ASH1L: variants seen among roughly 807,000 people sequenced by gnomAD.
ASH1L encodes the protein histone-lysine N-methyltransferase ASH1L.
A neutral mutation model predicts 269.0 loss-of-function variants in ASH1L; 23 were observed. The ratio of observed to expected loss-of-function variants is 0.09; its 90% confidence interval spans 0.06 to 0.12. The LOEUF (loss-of-function observed/expected upper bound fraction) is 0.12, where lower values mean the gene tolerates loss of function less well. Ranked by LOEUF, ASH1L falls within the 10% of genes least tolerant of loss-of-function variation. The probability of loss-of-function intolerance (pLI) is 1.00; values close to 1 mark genes in which losing one functional copy is unlikely to be tolerated. For missense variants in ASH1L, 2,912 were observed against 3,567.8 expected, an observed-to-expected ratio of 0.82 and a Z score of 4.68; for synonymous variants, 1,187 against 1,253.5, an observed-to-expected ratio of 0.95 and a Z score of 1.12.
At chr1:155,547,253 A>G (rs773391095) in intron 1 of ASH1L, among the ~76,000 whole-genome samples, 5 of 151,562 alleles carry the variant, frequency 3.3e-5, no homozygotes, top group Non-Finnish European at 5.9e-5. Flanking sequence ...AATGAGGGCC[A>G]TGACTACTCA....
rs756422793 is a variant in ASH1L, at chr1:155,438,841, T to C, written c.5314A>G (p.Ser1772Gly). 8.2e-5 allele frequency: 132 copies of C among 1,614,100 alleles called. No homozygotes were observed. The highest frequency in any genetic ancestry group is 1.0e-4 in the Non-Finnish European group (123 of 1,180,050). Reference sequence around the variant, plus strand: ...GAGATGCTATTATTGCAAGAGTCACTTGTGACTGCAGGCACTAAAAGGCTG... The same window carrying C: ...GAGATGCTATTATTGCAAGAGTCACCTGTGACTGCAGGCACTAAAAGGCTG... ...PDSLLVPAVT[S>G]DSCNNSISLL... The change falls in exon 5 of 28, where the codon AGT (serine) becomes GGT (glycine). Residue 1772 changes from serine to glycine, a missense_variant. Coordinates refer to ENST00000392403, the MANE Select transcript of ASH1L (RefSeq NM_018489.3).
intron 5 of ASH1L, among the ~76,000 whole-genome samples, chr1:155,429,885 G>A (rs949266603): frequency 6.6e-6 from 1 of 151,982 alleles, no homozygotes; most frequent in Admixed American, 6.6e-5. Flanking sequence ...CTGTAGCCTC[G>A]ACCTCCTGGA....
intron 3 of ASH1L, among the ~76,000 whole-genome samples, chr1:155,462,195 T>C (rs1054463751): frequency 6.6e-6 from 1 of 152,192 alleles, no homozygotes; most frequent in Non-Finnish European, 1.5e-5. Flanking sequence ...CTAGATATTG[T>C]GAAGGTAGGG....
chr1:155,386,179 C>T (rs1361926170), intron 7 of ASH1L, among the ~76,000 whole-genome samples: 32 of 151,632 alleles, frequency 2.1e-4, no homozygotes, highest in Non-Finnish European at 4.0e-4. Context: ...GCGATTCTCC[C>T]GCCTCAGCCT....
intron 2 of ASH1L, among the ~76,000 whole-genome samples, chr1:155,505,176 C>A (rs1381193419): frequency 6.6e-6 from 1 of 152,148 alleles, no homozygotes; most frequent in Non-Finnish European, 1.5e-5. Context: ...TCTTGTTTTA[C>A]AGCACAACTG....
chr1:155,505,089 T>G (rs1441709424), intron 2 of ASH1L, among the ~76,000 whole-genome samples: 1 of 152,148 alleles, frequency 6.6e-6, no homozygotes, highest in Admixed American at 6.6e-5. Context: ...ATGCAATTCT[T>G]TTTGTTTTTT....
chr1:155,466,108 A>C (rs1446294761), intron 3 of ASH1L, among the ~76,000 whole-genome samples: 1 of 152,196 alleles, frequency 6.6e-6, no homozygotes, highest in Non-Finnish European at 1.5e-5. Flanking sequence ...TAATCCCAGC[A>C]CTTTGGAAGG....
chr1:155,406,352 T>C (rs1659293625), intron 6 of ASH1L, among the ~76,000 whole-genome samples: 1 of 151,842 alleles, frequency 6.6e-6, no homozygotes, highest in Non-Finnish European at 1.5e-5. Flanking sequence ...GCCAAAACAA[T>C]CTTGAAAAAG....
chr1:155,363,563 T>C (rs902064809), intron 12 of ASH1L, among the ~76,000 whole-genome samples: 1 of 152,120 alleles, frequency 6.6e-6, no homozygotes, highest in African/African-American at 2.4e-5. Flanking sequence ...ATTTTAAATG[T>C]ATACCAGGAG....
rs1652391694 is a variant in ASH1L, at chr1:155,337,212, G to T, written c.*448C>A. On this transcript the variant is annotated 3_prime_UTR_variant, in exon 28 of 28. Coordinates refer to ENST00000392403, the MANE Select transcript of ASH1L (RefSeq NM_018489.3). ...TAAGGTCTCTGGGGTAGCTCTTGGA[G>T]CCAACAGAGAATAGATGGGGTAGGA... 1 of 153,362 alleles carries T rather than the reference G, an allele frequency of 6.5e-6. No homozygotes were observed. The highest frequency in any genetic ancestry group is 6.5e-5 in the Admixed American group (1 of 15,384). The allele number at this position is 153,362 out of a possible 1,614,324, so 9.5% of individuals were successfully genotyped here. A position where few individuals can be genotyped will look rare whatever the true frequency, so the allele number is the denominator to read the frequency against.
intron 15 of ASH1L, among the ~76,000 whole-genome samples, chr1:155,356,615 C>G (rs1001958834): frequency 4.0e-5 from 6 of 150,736 alleles, no homozygotes; most frequent in Non-Finnish European, 8.9e-5. Context: ...TGCACTCCAG[C>G]CTGGGCGACA....
intron 4 of ASH1L, among the ~76,000 whole-genome samples, chr1:155,448,610 TCAGACTC>T (rs1663212471): frequency 6.6e-6 from 1 of 152,090 alleles, no homozygotes; most frequent in African/African-American, 2.4e-5. Context: ...TTCTCCTGCC[TCAGACTC>T]CTAAGTAGCT....
At chr1:155,539,964 G>A (rs1327940900) in intron 1 of ASH1L, among the ~76,000 whole-genome samples, 1 of 152,058 alleles carries the variant, frequency 6.6e-6, no homozygotes, top group Non-Finnish European at 1.5e-5. Context: ...AGCTACTCAG[G>A]AAGCTGAGGT....
intron 1 of ASH1L, among the ~76,000 whole-genome samples, chr1:155,557,438 T>C (rs1414282743): frequency 6.6e-6 from 1 of 151,760 alleles, no homozygotes; most frequent in Non-Finnish European, 1.5e-5. Context: ...AATTTTGTTT[T>C]TTGGGTTTTT....
intron 5 of ASH1L, among the ~76,000 whole-genome samples, chr1:155,417,291 T>C (rs1660295512): frequency 6.6e-6 from 1 of 151,868 alleles, no homozygotes; most frequent in Admixed American, 6.6e-5. Context: ...AAGCAGAGAA[T>C]GGCCAAACTG....
Position 155,471,473 on chromosome 1 carries a change from G to C in ASH1L, c.4984+6413C>G, listed in dbSNP as rs748156760. 2.0e-5 allele frequency among the ~76,000 whole-genome samples: 3 copies of C among 152,166 alleles called. 1 individual carries two copies. The highest frequency in any genetic ancestry group is 2.0e-4 in the Admixed American group (3 of 15,274). On this transcript the variant is annotated intron_variant, in intron 3 of 27. Transcript: ENST00000392403. ...ACATGGCCAATGATCTAATCAATCC[G>C]GCCTACCTAACAGAGCCCCAATAAA...
In ASH1L at chr1:155,490,195, A is replaced by C. The variant is rs544649827; in HGVS notation, c.421-7746T>G. 6.6e-5 allele frequency among the ~76,000 whole-genome samples: 10 copies of C among 151,792 alleles called. No homozygotes were observed. The East Asian group carries it at 2.0e-3, about 30-fold the overall frequency. On this transcript the variant is annotated intron_variant, in intron 2 of 27. Coordinates refer to ENST00000392403, the MANE Select transcript of ASH1L (RefSeq NM_018489.3). Reference sequence around the variant, plus strand: ...TAGCCAGGATGGTCTCGATCTCCTGACCTTGTGATCTGCCCACCTCGGCCT... The same window carrying C: ...TAGCCAGGATGGTCTCGATCTCCTGCCCTTGTGATCTGCCCACCTCGGCCT...
chr1:155,349,884 C>CTTTTTTT (rs1299756334), intron 17 of ASH1L, among the ~76,000 whole-genome samples: 3 of 97,698 alleles, frequency 3.1e-5, no homozygotes, highest in Non-Finnish European at 4.3e-5. Flanking sequence ...CGCCAAGCTA[C>CTTTTTTT]TTTTTTTTTT....
chr1:155,499,049 C>T (rs1667341260), intron 2 of ASH1L, among the ~76,000 whole-genome samples: 1 of 151,916 alleles, frequency 6.6e-6, no homozygotes, highest in South Asian at 2.1e-4. Context: ...TCTTAAATTA[C>T]AAAACCATTA....
Sources: allele counts gnomAD v4.1 joint callset (sites outside exome capture counted in the v4.1 genomes callset), GRCh38; gene constraint gnomAD v4.1.1; transcripts MANE v1.5; gene names NCBI Gene and HGNC (gene_info 2026-07-23, HGNC 2026-07-21).